WWC2: variants seen among roughly 807,000 people sequenced by gnomAD.
WWC2 encodes the protein WW and C2 domain containing 2.
In WWC2, 101 loss-of-function variants were observed where a neutral mutation model predicts 138.5. The ratio of observed to expected loss-of-function variants is 0.73; its 90% CI spans 0.62 to 0.86. WWC2 has a LOEUF of 0.86. WWC2 is among the 40% of genes least tolerant of loss of function. WWC2 has a pLI of 0.00. For missense variants in WWC2, 1,420 were observed against 1,419.4 expected, an observed-to-expected ratio of 1.00 and a Z score of -0.01; for synonymous variants, 558 against 538.4, an observed-to-expected ratio of 1.04 and a Z score of -0.50.
chr4:183,173,426 A>G (rs1415043298), intron 1 of WWC2, among the ~76,000 whole-genome samples: 2 of 152,078 alleles, frequency 1.3e-5, no homozygotes, highest in Non-Finnish European at 2.9e-5. Flanking sequence ...AATATCTCTG[A>G]AGAAATGAAT....
At chr4:183,128,719 G>A (rs1732836265) in intron 1 of WWC2, among the ~76,000 whole-genome samples, 1 of 152,174 alleles carries the variant, frequency 6.6e-6, no homozygotes, top group African/African-American at 2.4e-5. Context: ...TGACATATGT[G>A]AGAAGCTGTA....
At chr4:183,123,758 A>G (rs910209663) in intron 1 of WWC2, among the ~76,000 whole-genome samples, 1 of 152,168 alleles carries the variant, frequency 6.6e-6, no homozygotes, top group Non-Finnish European at 1.5e-5. Flanking sequence ...ATACAGAGAT[A>G]GTTTGTGCTT....
At chr4:183,280,660 T>G (rs896864543) in intron 16 of WWC2, 116 bp from the exon 17 acceptor site, 1 of 1,132,558 alleles carries the variant, frequency 8.8e-7, no homozygotes, top group African/African-American at 1.6e-5. Flanking sequence ...ATATTTGTTT[T>G]CAGCAGGAGA....
intron 2 of WWC2, among the ~76,000 whole-genome samples, chr4:183,199,788 T>C (rs1735251714): frequency 6.6e-6 from 1 of 152,178 alleles, no homozygotes; most frequent in Non-Finnish European, 1.5e-5. Context: ...TCTATAAAAC[T>C]GATGGAATGT....
intron 21 of WWC2, among the ~76,000 whole-genome samples, chr4:183,307,011 T>C (rs2111112023): frequency 6.6e-6 from 1 of 151,966 alleles, no homozygotes; most frequent in South Asian, 2.1e-4. Flanking sequence ...CTTAACTGGA[T>C]ATAATTGACA....
intron 5 of WWC2, 84 bp downstream of exon 5, chr4:183,240,346 A>T: frequency 9.2e-7 from 1 of 1,089,172 alleles, no homozygotes; most frequent in Non-Finnish European, 1.3e-6. Flanking sequence ...CAGATTACAT[A>T]AGCGATTTCT....
At chr4:183,259,778 T>G in intron 10 of WWC2, 50 bp downstream of exon 10, 2 of 1,214,808 alleles carry the variant, frequency 1.6e-6, no homozygotes, top group Non-Finnish European at 2.3e-6. Flanking sequence ...AATAGCATGT[T>G]CTTGTTCATC....
intron 1 of WWC2, among the ~76,000 whole-genome samples, chr4:183,171,648 A>G (rs1734283424): frequency 1.8e-4 from 1 of 5,434 alleles, no homozygotes; most frequent in East Asian, 0.014. Flanking sequence ...ATGATTAACA[A>G]ACACTCAAAT....
intron 1 of WWC2, among the ~76,000 whole-genome samples, chr4:183,127,069 A>T (rs1248554491): frequency 6.6e-6 from 1 of 152,110 alleles, no homozygotes; most frequent in Non-Finnish European, 1.5e-5. Flanking sequence ...GAAAGGGTCA[A>T]AGTCATGAGA....
intron 5 of WWC2, among the ~76,000 whole-genome samples, chr4:183,242,464 C>G (rs1012039486): frequency 6.6e-6 from 1 of 152,102 alleles, no homozygotes; most frequent in Non-Finnish European, 1.5e-5. Context: ...GCATTGTTCT[C>G]TACGTTATTC....
At chr4:183,163,731 C>CA (rs1734028200) in intron 1 of WWC2, among the ~76,000 whole-genome samples, 1 of 152,052 alleles carries the variant, frequency 6.6e-6, no homozygotes, top group South Asian at 2.1e-4. Flanking sequence ...GGATGGTGCT[C>CA]AAAATTATTA....
At chr4:183,171,984 T>C (rs572016268) in intron 1 of WWC2, among the ~76,000 whole-genome samples, 72 of 152,340 alleles carry the variant, frequency 4.7e-4, no homozygotes, top group African/African-American at 1.5e-3. Context: ...GTAAATATTA[T>C]TCATGGATGA....
chr4:183,220,534 T>TAAA (rs751722785), intron 4 of WWC2, among the ~76,000 whole-genome samples: 3 of 137,316 alleles, frequency 2.2e-5, no homozygotes, highest in South Asian at 2.4e-4. Flanking sequence ...GTATCCACTT[T>TAAA]AAAAAAAAAA....
intron 4 of WWC2, among the ~76,000 whole-genome samples, chr4:183,237,029 TAAC>T (rs1366097751): frequency 6.6e-6 from 1 of 152,106 alleles, no homozygotes; most frequent in Non-Finnish European, 1.5e-5. Context: ...ACACTAGTAC[TAAC>T]AACAGCTGGT....
chr4:183,283,588 A>T (rs949095822), intron 18 of WWC2, among the ~76,000 whole-genome samples: 2 of 152,252 alleles, frequency 1.3e-5, no homozygotes, highest in African/African-American at 4.8e-5. Context: ...GAATCAAATT[A>T]TACCTATAAG....
chr4:183,267,321 A>G lies in WWC2; in HGVS notation c.2207+1370A>G, dbSNP rs548666020. 3.3e-5 allele frequency among the ~76,000 whole-genome samples: 5 copies of G among 152,320 alleles called. No individual in the cohort carries two copies. In the South Asian group the frequency reaches 8.3e-4, roughly 25 times the overall value. ...GCATCACATAGAAGTGCCTAGATCA[A>G]CGCAGAGAGCCTGCTTCCCAAATGC... On this transcript the variant is annotated intron_variant, in intron 14 of 22. Coordinates refer to ENST00000403733, the MANE Select transcript of WWC2 (RefSeq NM_024949.6).
At chr4:183,163,957 C>T (rs891599077) in intron 1 of WWC2, among the ~76,000 whole-genome samples, 3 of 151,784 alleles carry the variant, frequency 2.0e-5, no homozygotes, top group Non-Finnish European at 4.4e-5. Flanking sequence ...AATTAGTATT[C>T]CTATGGACAA....
chr4:183,187,894 TA>T (rs1266669955), intron 1 of WWC2, among the ~76,000 whole-genome samples: 19 of 144,464 alleles, frequency 1.3e-4, no homozygotes, highest in Admixed American at 2.7e-4. Flanking sequence ...TACATAAAAA[TA>T]AAAAAAAAAG....
In WWC2 at chr4:183,157,293, A is replaced by G. The variant is rs142675644; in HGVS notation, c.132-36306A>G. 1.4e-3 allele frequency among the ~76,000 whole-genome samples: 208 copies of G among 152,256 alleles called. 1 individual carries two copies. The highest frequency in any genetic ancestry group is 4.9e-3 in the African/African-American group (202 of 41,548). On this transcript the variant is annotated intron_variant, in intron 1 of 22. Coordinates refer to ENST00000403733, the MANE Select transcript of WWC2 (RefSeq NM_024949.6). Reference sequence around the variant, plus strand: ...TTTAAACATTAGATTCAGGTTATGCATTTTTGGCTGAAGTACGCTGTGTCC... The same window carrying G: ...TTTAAACATTAGATTCAGGTTATGCGTTTTTGGCTGAAGTACGCTGTGTCC...
Sources: allele counts gnomAD v4.1 joint callset (sites outside exome capture counted in the v4.1 genomes callset), GRCh38; gene constraint gnomAD v4.1.1; transcripts MANE v1.5; gene names NCBI Gene and HGNC (gene_info 2026-07-23, HGNC 2026-07-21).